Variants in REV3L observed in about 807,000 individuals in gnomAD.
REV3L encodes the protein DNA polymerase zeta catalytic subunit.
REV3L carries 69 observed loss-of-function variants against 299.4 expected under a neutral mutation model. The ratio of observed to expected loss-of-function variants is 0.23; its 90% CI spans 0.19 to 0.28. The LOEUF (loss-of-function observed/expected upper bound fraction) is 0.28, where lower values mean the gene tolerates loss of function less well. REV3L is among the 10% of genes least tolerant of loss of function. REV3L has a pLI of 1.00. For synonymous variants in REV3L, 1,238 were observed against 1,271.4 expected, an observed-to-expected ratio of 0.97 and a Z score of 0.56; for missense variants, 3,128 against 3,693.8, an observed-to-expected ratio of 0.85 and a Z score of 3.97.
rs759670797 is a variant in REV3L at position 111,374,534 on chromosome 6, A to G, written c.3821T>C (p.Val1274Ala). 7.4e-6 allele frequency: 12 copies of G among 1,613,980 alleles called. No homozygotes were observed. Among genetic ancestry groups the G allele is most frequent in the Non-Finnish European group, 9.3e-6 (11 of 1,179,968 alleles). ...QKDMPLMGSA[V>A]DHPLSASLPT... is the part of the protein sequence containing the mutation. ...TAGGGAAGCAGAAAGGGGATGATCT[A>G]CAGCAGAGCCCATTAGTGGCATATC... Residue 1274 changes from valine to alanine, a missense_variant, in exon 13 of 32, where the codon GTA becomes GCA. Val to Ala is a moderately conservative substitution (Grantham distance 64, BLOSUM62 0). Coordinates refer to ENST00000368802, the MANE Select transcript of REV3L (RefSeq NM_001372078.1).
chr6:111,381,509 ATT>A, intron 9 of REV3L, 65 bp from the exon 10 acceptor site: 7 of 1,380,888 alleles, frequency 5.1e-6, no homozygotes, highest in South Asian at 2.6e-5. Flanking sequence ...ATCATTTAGA[ATT>A]TGTGTAAATT....
intron 15 of REV3L, among the ~76,000 whole-genome samples, chr6:111,364,606 A>T (rs879261120): frequency 3.5e-4 from 53 of 152,134 alleles, no homozygotes; most frequent in African/African-American, 1.3e-3. Flanking sequence ...ATGAAAGTTT[A>T]AAAAGTTTGA....
Position 111,299,974 on chromosome 6 carries a change from C to CA in REV3L, c.*41dup. The CA allele has an allele frequency of 6.3e-7, 1 of 1,580,972 alleles. No individual in the cohort carries two copies. On this transcript the variant is annotated 3_prime_UTR_variant, in exon 32 of 32. Transcript: ENST00000368802. ...CCATGCACAACAGTTTAGTGGTAAG[C>CA]ACTGAAAAAAATAGCACCTGTAATA...
In REV3L at chr6:111,333,359, C is replaced by A; in HGVS notation, c.7689G>T (p.Val2563=). ...TAGCAATACGCAACATCATTGATTC[C>A]ACACGGTACTGCAGGGAGAAAGGGA... ...HVLTRGSQYR[V]ESMMLRIAKP... The change falls in exon 23 of 32, where the codon GTG becomes GTT. Residue 2563 remains valine, a synonymous_variant. Coordinates refer to ENST00000368802, the MANE Select transcript of REV3L (RefSeq NM_001372078.1). 1 of 1,614,010 alleles carries A rather than the reference C, an allele frequency of 6.2e-7. No homozygotes were observed. Among genetic ancestry groups the A allele is most frequent in the Middle Eastern group, 1.6e-4 (1 of 6,062 alleles).
chr6:111,427,041 A>C (rs554609501), intron 1 of REV3L, among the ~76,000 whole-genome samples: 1 of 149,858 alleles, frequency 6.7e-6, no homozygotes, highest in East Asian at 1.9e-4. Context: ...TAAATAAACC[A>C]AAGTCTCAAA....
chr6:111,327,570 G>A lies in REV3L; in HGVS notation c.8241+1962C>T, dbSNP rs767344141. Among the ~76,000 whole-genome samples, 110 of 148,030 alleles carry A rather than the reference G, an allele frequency of 7.4e-4. 1 individual carries two copies. Among genetic ancestry groups the A allele is most frequent in the Middle Eastern group, 3.5e-3 (1 of 284 alleles). On this transcript the variant is annotated intron_variant, in intron 25 of 31. Transcript: ENST00000368802. Reference sequence around the variant, plus strand: ...CGCTGTTTCAAAAAAAAAAAAAAAAGGATAGCTTTTGGTTTTACATTAGTA... The same window carrying A: ...CGCTGTTTCAAAAAAAAAAAAAAAAAGATAGCTTTTGGTTTTACATTAGTA...
intron 1 of REV3L, among the ~76,000 whole-genome samples, chr6:111,460,120 C>A (rs950525658): frequency 1.3e-5 from 2 of 152,046 alleles, no homozygotes; most frequent in African/African-American, 4.8e-5. Context: ...TTTGCAACAA[C>A]ACGGATGCAG....
At chr6:111,419,963 G>A (rs1012478771) in intron 1 of REV3L, among the ~76,000 whole-genome samples, 3 of 152,048 alleles carry the variant, frequency 2.0e-5, no homozygotes, top group South Asian at 2.1e-4. Flanking sequence ...TCCTGCCTCA[G>A]CCTCCGGAGT....
intron 13 of REV3L, among the ~76,000 whole-genome samples, 171 bp downstream of exon 13, chr6:111,372,425 T>A (rs773619079): frequency 1.3e-5 from 2 of 152,206 alleles, no homozygotes; most frequent in South Asian, 4.1e-4. Flanking sequence ...TCTTAGTAAG[T>A]CTGTAATTAG....
chr6:111,400,301 G>A (rs1314153287), intron 4 of REV3L, among the ~76,000 whole-genome samples: 3 of 152,188 alleles, frequency 2.0e-5, no homozygotes, highest in Non-Finnish European at 4.4e-5. Context: ...AGTGTTCTGA[G>A]AAACTATCTG....
At chr6:111,304,783 T>C (rs1270325941) in intron 31 of REV3L, among the ~76,000 whole-genome samples, 2 of 152,126 alleles carry the variant, frequency 1.3e-5, no homozygotes, top group Non-Finnish European at 2.9e-5. Context: ...TTGGAATCCC[T>C]AGTGTTCATC....
chr6:111,413,058 G>T (rs75337372), intron 2 of REV3L, among the ~76,000 whole-genome samples: 1 of 151,954 alleles, frequency 6.6e-6, no homozygotes, highest in Non-Finnish European at 1.5e-5. Flanking sequence ...ACCACTTCCC[G>T]TCTAGTTTGC....
chr6:111,413,082 A>C (rs994799943), intron 2 of REV3L, among the ~76,000 whole-genome samples: 1 of 152,048 alleles, frequency 6.6e-6, no homozygotes, highest in Admixed American at 6.5e-5. Flanking sequence ...TGTATACCCT[A>C]TTTTGTTGCC....
At chr6:111,425,693 C>A (rs1180782665) in intron 1 of REV3L, among the ~76,000 whole-genome samples, 14 of 151,644 alleles carry the variant, frequency 9.2e-5, no homozygotes, top group African/African-American at 3.4e-4. Flanking sequence ...AAGCAGACAA[C>A]AGAAACTGTT....
At chr6:111,457,300 A>G (rs918709891) in intron 1 of REV3L, among the ~76,000 whole-genome samples, 1 of 152,086 alleles carries the variant, frequency 6.6e-6, no homozygotes, top group South Asian at 2.1e-4. Flanking sequence ...CAATCAAATG[A>G]CATTCAAGTG....
At chr6:111,335,907 T>C (rs1775846581) in intron 21 of REV3L, among the ~76,000 whole-genome samples, 1 of 152,120 alleles carries the variant, frequency 6.6e-6, no homozygotes, top group African/African-American at 2.4e-5. Context: ...TATTCTTTTT[T>C]TTTCTATTCT....
chr6:111,344,732 A>G (rs192650592), intron 20 of REV3L, among the ~76,000 whole-genome samples: 246 of 152,358 alleles, frequency 1.6e-3, no homozygotes, highest in African/African-American at 5.5e-3. Context: ...CAGGTATTTC[A>G]ATGCAAAATG....
rs1780247821 is a variant in REV3L at position 111,375,827 on chromosome 6, G to A, written c.2528C>T (p.Thr843Ile). The change falls in exon 13 of 32, where the codon ACT becomes ATT. Residue 843 changes from threonine to isoleucine, a missense_variant. By Grantham distance (89) the Thr-to-Ile change is moderately conservative (BLOSUM62 -1). This residue lies in a region of REV3L where 2,409 missense variants were observed against 2,611.8 expected (regional missense o/e 0.92). Transcript: ENST00000368802. ...TCCAGTCTCACTACTTTTGGTAGAA[G>A]TCTCCTGATGACCTGCAAGTTTCCT... ...NKRKLAGHQE[T>I]STKSSETGST... 1 of 1,613,324 alleles carries A rather than the reference G, an allele frequency of 6.2e-7. No homozygotes were observed. Among genetic ancestry groups the A allele is most frequent in the Non-Finnish European group, 8.5e-7 (1 of 1,179,698 alleles).
chr6:111,303,161 C>CTTTTTTTTTTTTTTTTTT (rs1192743753), intron 31 of REV3L, among the ~76,000 whole-genome samples: 1 of 55,550 alleles, frequency 1.8e-5, no homozygotes. Context: ...GCTTTCTTTT[C>CTTTTTTTTTTTTTTTTTT]TTTCTTTTTT....
Sources: gnomAD v4.1 joint callset for allele counts (sites outside exome capture counted in the v4.1 genomes callset) on GRCh38, gnomAD v4.1.1 for gene constraint, gnomAD v4.1.1 regional missense constraint, MANE v1.5 for transcripts, NCBI Gene and HGNC (gene_info 2026-07-23, HGNC 2026-07-21) for gene names.